The following LOC128462377 variants were observed in gnomAD, a reference collection of about 807,000 sequenced individuals.
the LOC128462377 span, among the ~76,000 whole-genome samples, chr16:89,326,477 G>A: frequency 4.6e-5 from 7 of 152,084 alleles, no homozygotes; most frequent in African/African-American, 9.7e-5. Flanking sequence ...AGGCACGGTG[G>A]CTCACCCCTG....
chr16:89,381,166 T>C, the LOC128462377 span, among the ~76,000 whole-genome samples: 1 of 151,174 alleles, frequency 6.6e-6, no homozygotes, highest in African/African-American at 2.4e-5. Flanking sequence ...CTACTGAAAA[T>C]TAAAAAATAA....
At chr16:89,393,489 GCTTTT>G in the LOC128462377 span, among the ~76,000 whole-genome samples, 1 of 93,238 alleles carries the variant, frequency 1.1e-5, no homozygotes, top group Non-Finnish European at 2.2e-5. Flanking sequence ...ATATCCAGCT[GCTTTT>G]TTTTTTTTTT....
the LOC128462377 span, among the ~76,000 whole-genome samples, chr16:89,382,978 T>A: frequency 1.3e-5 from 2 of 152,228 alleles, no homozygotes; most frequent in African/African-American, 4.8e-5. Context: ...GGAGCTGGGA[T>A]TACAGGCGTG....
chr16:89,389,312 A>C, the LOC128462377 span, among the ~76,000 whole-genome samples: 4 of 152,168 alleles, frequency 2.6e-5, no homozygotes, highest in Admixed American at 2.6e-4. Context: ...GGCGTGAGCC[A>C]CCACACCCGA....
the LOC128462377 span, among the ~76,000 whole-genome samples, chr16:89,394,556 A>G: frequency 9.2e-5 from 14 of 151,896 alleles, 1 homozygote; most frequent in African/African-American, 3.1e-4. Context: ...TGAACCCAGG[A>G]GGCGGAGGTT....
the LOC128462377 span, among the ~76,000 whole-genome samples, chr16:89,394,168 G>T: frequency 6.6e-6 from 1 of 151,980 alleles, no homozygotes; most frequent in South Asian, 2.1e-4. Context: ...TCCTCCTGAG[G>T]TCAACGGGCA....
chr16:89,372,217 C>G, the LOC128462377 span, among the ~76,000 whole-genome samples: 2 of 152,258 alleles, frequency 1.3e-5, no homozygotes, highest in African/African-American at 4.8e-5. Context: ...TGGATCCTGA[C>G]ACTCAGAGCT....
At chr16:89,409,871 G>A in the LOC128462377 span, among the ~76,000 whole-genome samples, 1 of 142,262 alleles carries the variant, frequency 7.0e-6, no homozygotes, top group East Asian at 1.9e-4. Context: ...TGGGAGTCTC[G>A]CTCTGTCGCC....
At chr16:89,334,099 C>G in the LOC128462377 span, among the ~76,000 whole-genome samples, 4 of 144,428 alleles carry the variant, frequency 2.8e-5, no homozygotes, top group African/African-American at 1.1e-4. Flanking sequence ...ATCACTTAAG[C>G]CCAGTTCAAG....
the LOC128462377 span, among the ~76,000 whole-genome samples, chr16:89,375,599 G>C: frequency 6.6e-6 from 1 of 151,752 alleles, no homozygotes; most frequent in Admixed American, 6.6e-5. Flanking sequence ...GATTACAGGC[G>C]CCCGCCACCA....
At chr16:89,334,801 G>A in the LOC128462377 span, among the ~76,000 whole-genome samples, 1 of 152,166 alleles carries the variant, frequency 6.6e-6, no homozygotes, top group East Asian at 1.9e-4. Context: ...ACCAGCAGAA[G>A]AGCAAATGAG....
chr16:89,380,770 C>T, the LOC128462377 span, among the ~76,000 whole-genome samples: 1 of 152,234 alleles, frequency 6.6e-6, no homozygotes, highest in African/African-American at 2.4e-5. Flanking sequence ...TGGGGCATCT[C>T]CTGCACGGGC....
At chr16:89,325,894 G>A in the LOC128462377 span, among the ~76,000 whole-genome samples, 1 of 152,242 alleles carries the variant, frequency 6.6e-6, no homozygotes, top group Admixed American at 6.5e-5. Context: ...GGCCCTACTG[G>A]GACCCTCAAG....
At chr16:89,337,005 AC>A in the LOC128462377 span, among the ~76,000 whole-genome samples, 132 of 75,400 alleles carry the variant, frequency 1.8e-3, 1 homozygote, top group African/African-American at 6.9e-3. Context: ...CCCTGGCTCT[AC>A]CAAAAAAAAA....
the LOC128462377 span, among the ~76,000 whole-genome samples, chr16:89,374,191 A>G: frequency 3.3e-5 from 5 of 152,234 alleles, no homozygotes; most frequent in Admixed American, 3.3e-4. Flanking sequence ...TCTTTTTAAA[A>G]ACATTAATAT....
At chr16:89,414,030 G>C in the LOC128462377 span, among the ~76,000 whole-genome samples, 3 of 149,370 alleles carry the variant, frequency 2.0e-5, no homozygotes, top group African/African-American at 7.4e-5. Context: ...CCACGGGCCT[G>C]CACACCCTCC....
the LOC128462377 span, among the ~76,000 whole-genome samples, chr16:89,353,833 G>A: frequency 6.6e-6 from 1 of 152,168 alleles, no homozygotes; most frequent in Admixed American, 6.5e-5. Context: ...GCCACTATGG[G>A]AACACAACAC....
chr16:89,409,615 G>T, the LOC128462377 span, among the ~76,000 whole-genome samples: 4 of 152,150 alleles, frequency 2.6e-5, no homozygotes, highest in African/African-American at 4.8e-5. Context: ...GGAGTTCCAG[G>T]CCAGTCTGAG....
chr16:89,394,383 C>G, the LOC128462377 span, among the ~76,000 whole-genome samples: 7 of 152,248 alleles, frequency 4.6e-5, no homozygotes, highest in African/African-American at 1.7e-4. Context: ...AATCCCAGCA[C>G]TTTGGGAGGC....
Sources: gnomAD v4.1 joint callset for allele counts (sites outside exome capture counted in the v4.1 genomes callset) on GRCh38, gnomAD v4.1.1 for gene constraint, MANE v1.5 for transcripts.